The following ADARB1 variants were observed in gnomAD, a reference collection of about 807,000 sequenced individuals.
The protein encoded by ADARB1 is double-stranded RNA-specific editase 1.
ADARB1 carries 10 observed loss-of-function variants against 52.4 expected under a neutral mutation model. The ratio of observed to expected loss-of-function variants is 0.19; its 90% CI spans 0.12 to 0.32. The LOEUF (loss-of-function observed/expected upper bound fraction) is 0.32, where lower values mean the gene tolerates loss of function less well. Ranked by LOEUF, ADARB1 falls within the 10% of genes least tolerant of loss-of-function variation. The pLI is 1.00. For synonymous variants in ADARB1, 349 were observed against 371.1 expected (o/e 0.94, Z 0.68); for missense variants, 643 against 922.3 (o/e 0.70, Z 3.92).
In ADARB1 at chr21:45,222,448, C is replaced by A; in HGVS notation, c.*251C>A. ...GCATCTCTCTGCCGCAGCATTTCCC[C>A]TTCTGAACCGTCCAGTGACTGCTTT... is the stretch of plus-strand genomic sequence containing the variant. On this transcript the variant is annotated 3_prime_UTR_variant, in exon 11 of 11. Coordinates refer to ENST00000348831, the MANE Select transcript of ADARB1 (RefSeq NM_001112.4). The A allele has an allele frequency of 1.6e-6, 2 of 1,274,074 alleles. No individual in the cohort carries two copies. The highest frequency in any genetic ancestry group is 6.4e-5 in the East Asian group (2 of 31,300). The allele number at this position is 1,274,074 out of a possible 1,614,324, so 78.9% of individuals were successfully genotyped here.
At chr21:45,133,296 C>A (rs2089072375) in intron 2 of ADARB1, among the ~76,000 whole-genome samples, 1 of 152,242 alleles carries the variant, frequency 6.6e-6, no homozygotes, top group South Asian at 2.1e-4. Context: ...TGGCGCTTGG[C>A]TCCTGGAGAC....
chr21:45,183,582 A>G, intron 7 of ADARB1, 72 bp downstream of exon 7: 1 of 1,523,048 alleles, frequency 6.6e-7, no homozygotes, highest in East Asian at 2.3e-5. Flanking sequence ...ACCTGTGTTA[A>G]TATCCCTTTT....
intron 1 of ADARB1, among the ~76,000 whole-genome samples, chr21:45,105,868 G>T (rs1358266101): frequency 6.6e-6 from 1 of 152,216 alleles, no homozygotes; most frequent in Admixed American, 6.5e-5. Context: ...TTATGAACTT[G>T]TTGAGTGAGT....
intron 1 of ADARB1, among the ~76,000 whole-genome samples, chr21:45,075,496 C>T (rs1568984840): frequency 6.6e-6 from 1 of 152,224 alleles, no homozygotes. Flanking sequence ...GCGGGATGCT[C>T]TGCGCCGCGG....
rs1372273931 is a variant in ADARB1, at chr21:45,208,690, A to G, written c.1747+3954A>G. Among the ~76,000 whole-genome samples the G allele has an allele frequency of 6.6e-6, 1 of 151,526 alleles. No homozygotes were observed. The highest frequency in any genetic ancestry group is 1.5e-5 in the Non-Finnish European group (1 of 67,816). ...TGCGTGTGTGTATGAGTGTGTGTGCATGTGTGTGTGCACGCTCACATGAGT... is the reference window on the plus strand; with the variant it reads ...TGCGTGTGTGTATGAGTGTGTGTGCGTGTGTGTGTGCACGCTCACATGAGT... On this transcript the variant is annotated intron_variant, in intron 9 of 10. Transcript: ENST00000348831. This position sits in a 1 kb window ranked among gnomAD's most constrained non-coding sequence, Gnocchi z 5.6.
In ADARB1 at chr21:45,138,361, C is replaced by T. The variant is rs926744046; in HGVS notation, c.-48+9788C>T. Among the ~76,000 whole-genome samples, 12 of 152,302 alleles carry T rather than the reference C, an allele frequency of 7.9e-5. 1 individual carries two copies. Among genetic ancestry groups the T allele is most frequent in the Admixed American group, 2.6e-4 (4 of 15,300 alleles). On this transcript the variant is annotated intron_variant, in intron 2 of 10. Coordinates refer to ENST00000348831, the MANE Select transcript of ADARB1 (RefSeq NM_001112.4). ...ATCTTACACACCTTGGATGTATATA[C>T]GCACTTCTTATGTCGTAAGTAATCC...
At chr21:45,180,233 T>C (rs950849919) in intron 4 of ADARB1, 97 bp from the exon 5 acceptor site, 81 of 826,196 alleles carry the variant, frequency 9.8e-5, no homozygotes, top group Non-Finnish European at 2.7e-5. Context: ...AAGCAGCCTG[T>C]GTCACTCCAT....
intron 1 of ADARB1, among the ~76,000 whole-genome samples, chr21:45,124,766 G>GGTGAT (rs1439741072): frequency 0.026 from 676 of 25,540 alleles, 13 homozygotes; most frequent in East Asian, 0.077. Flanking sequence ...CTTTTTAAAT[G>GGTGAT]GTGTGTGTGT....
At position 45,212,810 on chromosome 21, in the gene ADARB1, C is replaced by T. The variant is rs185772166; in HGVS notation, c.1748-8026C>T. On this transcript the variant is annotated intron_variant, in intron 9 of 10. Transcript: ENST00000348831. Reference sequence around the variant, plus strand: ...TATCAAACTTATGAGGAAAATAACACAAAAGAGAAAGATCTATATGAGAAA... The same window carrying T: ...TATCAAACTTATGAGGAAAATAACATAAAAGAGAAAGATCTATATGAGAAA... Among the ~76,000 whole-genome samples, 58 of 151,796 alleles carry T rather than the reference C, an allele frequency of 3.8e-4. No individual in the cohort carries two copies. The East Asian group carries it at 0.011, about 28-fold the overall frequency.
intron 2 of ADARB1, chr21:45,134,620 C>G (rs1165665114): frequency 2.5e-6 from 1 of 397,134 alleles, no homozygotes; most frequent in Non-Finnish European, 5.0e-6. Context: ...GTCCATAGTA[C>G]ATGAAGAATC....
intron 9 of ADARB1, among the ~76,000 whole-genome samples, chr21:45,205,748 T>C (rs1007722566): frequency 6.6e-6 from 1 of 152,202 alleles, no homozygotes; most frequent in African/African-American, 2.4e-5. Context: ...AAGGACACAG[T>C]TAAGGTATTT....
Position 45,099,249 on chromosome 21 carries a change from G to A in ADARB1, c.-220+24456G>A, listed in dbSNP as rs185627601. Among the ~76,000 whole-genome samples, 58 of 152,298 alleles carry A rather than the reference G, an allele frequency of 3.8e-4. 2 individuals carry two copies. The East Asian group carries it at 5.4e-3, about 14-fold the overall frequency. On this transcript the variant is annotated intron_variant, in intron 1 of 10. Coordinates refer to ENST00000348831, the MANE Select transcript of ADARB1 (RefSeq NM_001112.4). ...GGTGACCGGGGAACTGTAATTTCCT[G>A]TGGGAGAGCAGCAATTTCATTATTC...
chr21:45,179,465 C>T (rs767505654), intron 4 of ADARB1, among the ~76,000 whole-genome samples: 5 of 152,134 alleles, frequency 3.3e-5, no homozygotes, highest in Non-Finnish European at 5.9e-5. Flanking sequence ...CTCTTAACAC[C>T]CACCTCCCAG....
chr21:45,126,459 T>C (rs1344689089), intron 1 of ADARB1, among the ~76,000 whole-genome samples: 1 of 152,228 alleles, frequency 6.6e-6, no homozygotes, highest in Non-Finnish European at 1.5e-5. Flanking sequence ...TTGACCATCT[T>C]TTATTGCGCC....
chr21:45,077,402 A>G (rs2123598664), intron 1 of ADARB1, among the ~76,000 whole-genome samples: 1 of 152,318 alleles, frequency 6.6e-6, no homozygotes, highest in Admixed American at 6.5e-5. Context: ...GCGGTGGCTC[A>G]CGCCTGTAAT....
intron 1 of ADARB1, among the ~76,000 whole-genome samples, chr21:45,119,224 T>G (rs2088007602): frequency 6.6e-6 from 1 of 152,294 alleles, no homozygotes; most frequent in Admixed American, 6.5e-5. Context: ...TTGAGTAGCT[T>G]GGACCACAGT....
chr21:45,168,006 C>T (rs1390977383), intron 2 of ADARB1, among the ~76,000 whole-genome samples: 1 of 152,000 alleles, frequency 6.6e-6, no homozygotes, highest in Non-Finnish European at 1.5e-5. Flanking sequence ...GGGGCTGTCA[C>T]TATCTTTAAA....
intron 1 of ADARB1, among the ~76,000 whole-genome samples, chr21:45,077,136 C>T (rs1459080556): frequency 6.6e-6 from 1 of 152,156 alleles, no homozygotes; most frequent in Non-Finnish European, 1.5e-5. Context: ...CAAGCAAAGC[C>T]TACTAATTAG....
chr21:45,202,031 G>T (rs2092565057), intron 8 of ADARB1, among the ~76,000 whole-genome samples: 1 of 152,108 alleles, frequency 6.6e-6, no homozygotes, highest in Non-Finnish European at 1.5e-5. Context: ...AGGTGACAGG[G>T]CTGGGGGATC....
Sources: allele counts gnomAD v4.1 joint callset (sites outside exome capture counted in the v4.1 genomes callset), GRCh38; gene constraint gnomAD v4.1.1; non-coding constraint Gnocchi (gnomAD v3.1); transcripts MANE v1.5; gene names NCBI Gene and HGNC (gene_info 2026-07-23, HGNC 2026-07-21).